The following RRM2 variants were observed in gnomAD, a reference collection of about 807,000 sequenced individuals.
RRM2 encodes the protein ribonucleoside-diphosphate reductase subunit M2.
In RRM2, 6 loss-of-function variants were observed where a neutral mutation model predicts 45.9. The ratio of observed to expected loss-of-function variants is 0.13; its 90% confidence interval spans 0.07 to 0.26. The LOEUF (loss-of-function observed/expected upper bound fraction) is 0.26, where lower values mean the gene tolerates loss of function less well. Among genes scored for constraint, RRM2 ranks in the 10% least tolerant of loss-of-function variants. The pLI, the probability that RRM2 is intolerant of heterozygous loss-of-function variation, is 1.00. For missense variants in RRM2, 343 were observed against 489.5 expected (o/e 0.70, Z 2.82); for synonymous variants, 177 against 173.0 (o/e 1.02, Z -0.18).
At chr2:10,164,138 G>A (rs1243648263) in intron 3 of RRM2, among the ~76,000 whole-genome samples, 1 of 152,086 alleles carries the variant, frequency 6.6e-6, no homozygotes, top group Non-Finnish European at 1.5e-5. Context: ...AATAGTGTAT[G>A]TATTTTTCAA....
chr2:10,150,010 G>C (rs1186914162), intron 3 of RRM2, among the ~76,000 whole-genome samples: 1 of 152,172 alleles, frequency 6.6e-6, no homozygotes, highest in Non-Finnish European at 1.5e-5. Context: ...TCTCTCATCT[G>C]TTTCCATTGG....
At position 10,126,988 on chromosome 2, in the gene RRM2, C is replaced by G; in HGVS notation, c.664+19C>G. The G allele has an allele frequency of 6.2e-7, 1 of 1,611,582 alleles. No homozygotes were observed. The highest frequency in any genetic ancestry group is 8.5e-7 in the Non-Finnish European group (1 of 1,178,028). On this transcript the variant is annotated intron_variant, in intron 6 of 9. Transcript: ENST00000304567. ...ACCTATGGTAAGGAGACCCTTGCCC[C>G]TACTTAAACCTGAGCTTCATTTTCC...
intron 5 of RRM2, among the ~76,000 whole-genome samples, chr2:10,125,434 G>A (rs555816833): frequency 2.2e-4 from 34 of 152,232 alleles, no homozygotes; most frequent in African/African-American, 4.3e-4. Flanking sequence ...GGTGGCGCGC[G>A]GTGGTTCTCG....
chr2:10,177,355 T>G (rs1300767719), intron 3 of RRM2, among the ~76,000 whole-genome samples: 1 of 152,228 alleles, frequency 6.6e-6, no homozygotes, highest in Non-Finnish European at 1.5e-5. Context: ...AAATCATTAC[T>G]ATTTTTAAGT....
chr2:10,122,898 G>T lies in RRM2; in HGVS notation c.99+1G>T. On this transcript the variant is annotated splice_donor_variant, in intron 1 of 9. Transcript: ENST00000304567. LOFTEE classifies it high-confidence loss of function. ...CAGCTTGGTCGACAAGGAGAACACG[G>T]TGAGCCCGCGGGGAGGGCGCTGCGG... 1 of 1,580,660 alleles carries T rather than the reference G, an allele frequency of 6.3e-7. No homozygotes were observed.
intron 5 of RRM2, among the ~76,000 whole-genome samples, chr2:10,125,892 C>T (rs1014703305): frequency 7.9e-5 from 12 of 151,924 alleles, no homozygotes; most frequent in Non-Finnish European, 1.3e-4. Context: ...ATTAGGGGTA[C>T]GATCGGGGGC....
At chr2:10,210,434 C>T in exon 4 of RRM2, 1 of 1,367,856 alleles carries the variant, frequency 7.3e-7, no homozygotes, top group Non-Finnish European at 9.8e-7. Context: ...ACAGGGACAC[C>T]CCTGGAGCGA....
chr2:10,124,627 G>A, intron 4 of RRM2, 90 bp from the exon 5 acceptor site: 2 of 1,394,512 alleles, frequency 1.4e-6, no homozygotes, highest in Non-Finnish European at 2.0e-6. Flanking sequence ...ACCTTATAAT[G>A]GTACAAAGAG....
chr2:10,123,558 G>C (rs1662716256), intron 3 of RRM2, 28 bp downstream of exon 3: 1 of 1,590,698 alleles, frequency 6.3e-7, no homozygotes, highest in Non-Finnish European at 8.6e-7. Context: ...GAAGACCCCT[G>C]CAGGGGTGAC....
intron 3 of RRM2, among the ~76,000 whole-genome samples, chr2:10,152,097 C>G (rs932095908): frequency 6.6e-6 from 1 of 151,936 alleles, no homozygotes; most frequent in African/African-American, 2.4e-5. Flanking sequence ...TACAGGCGCC[C>G]GCCACCACGC....
intron 3 of RRM2, among the ~76,000 whole-genome samples, chr2:10,176,456 CG>C: frequency 6.6e-6 from 1 of 151,998 alleles, no homozygotes. Context: ...TTAGTAGAGA[CG>C]GGGTTTCTCC....
intron 3 of RRM2, among the ~76,000 whole-genome samples, chr2:10,201,815 A>G (rs1328289936): frequency 6.6e-6 from 1 of 152,240 alleles, no homozygotes; most frequent in African/African-American, 2.4e-5. Flanking sequence ...CCAAAAACAT[A>G]TCTACACAAA....
Position 10,123,723 on chromosome 2 carries a change from T to C in RRM2, c.319-13T>C. The C allele has an allele frequency of 6.5e-7, 1 of 1,540,746 alleles. No individual in the cohort carries two copies. The highest frequency in any genetic ancestry group is 9.0e-7 in the Non-Finnish European group (1 of 1,115,274). The stretch of plus-strand genomic sequence containing the variant: ...CTTCCTTTTATGCTAAAATTGTGAC[T>C]TCCGAACCTCAGGTGGACCTCTCCA... On this transcript the variant is annotated splice_polypyrimidine_tract_variant and intron_variant, in intron 3 of 9. Coordinates refer to ENST00000304567, the MANE Select transcript of RRM2 (RefSeq NM_001034.4).
chr2:10,137,405 C>T (rs1057509862), upstream of RRM2, among the ~76,000 whole-genome samples: 3 of 152,268 alleles, frequency 2.0e-5, no homozygotes, highest in African/African-American at 4.8e-5. Context: ...TGCCTACACT[C>T]GTCCTGCCCT....
intron 3 of RRM2, among the ~76,000 whole-genome samples, chr2:10,154,441 A>C (rs1295235480): frequency 3.5e-5 from 5 of 144,848 alleles, no homozygotes; most frequent in Non-Finnish European, 7.5e-5. Flanking sequence ...CAGAGGTTGC[A>C]GTGAGTCAAG....
In RRM2 at chr2:10,126,865, T is replaced by C. The variant is rs1662789825; in HGVS notation, c.570-10T>C. On this transcript the variant is annotated splice_polypyrimidine_tract_variant and intron_variant, in intron 5 of 9. Coordinates refer to ENST00000304567, the MANE Select transcript of RRM2 (RefSeq NM_001034.4). ...ATGCTTCAATTGCTGATACCGTATGTGCCTACTAGGGAATTTCTCTTCAAT... is the reference window on the plus strand; with the variant it reads ...ATGCTTCAATTGCTGATACCGTATGCGCCTACTAGGGAATTTCTCTTCAAT... The C allele has an allele frequency of 1.2e-6, 2 of 1,608,392 alleles. No homozygotes were observed. Among genetic ancestry groups the C allele is most frequent in the African/African-American group, 1.3e-5 (1 of 74,754 alleles).
intron 5 of RRM2, among the ~76,000 whole-genome samples, chr2:10,125,317 GT>G (rs1335078053): frequency 6.6e-6 from 1 of 152,206 alleles, no homozygotes; most frequent in Non-Finnish European, 1.5e-5. Context: ...GCATGCAGGA[GT>G]TTGGCTGAAT....
rs1351381140 is a variant in RRM2, at chr2:10,123,003, C to A, written c.120C>A (p.Thr40=). The A allele has an allele frequency of 7.7e-6, 12 of 1,562,422 alleles. No individual in the cohort carries two copies. Among genetic ancestry groups the A allele is most frequent in the Non-Finnish European group, 8.6e-6 (10 of 1,160,598 alleles). ...KENTPPALSG[T]RVLASKTARR... is the part of the protein sequence containing the mutation. ...CGCAGCCGCCGGCCCTGAGCGGGACCCGCGTCCTGGCCAGCAAGACCGCGA... is the reference window on the plus strand; with the variant it reads ...CGCAGCCGCCGGCCCTGAGCGGGACACGCGTCCTGGCCAGCAAGACCGCGA... The change falls in exon 2 of 10, where the codon ACC becomes ACA. Residue 40 remains threonine (T), a synonymous_variant. Coordinates refer to ENST00000304567, the MANE Select transcript of RRM2 (RefSeq NM_001034.4).
At chr2:10,154,099 A>G (rs1002242517) in intron 3 of RRM2, among the ~76,000 whole-genome samples, 18 of 152,256 alleles carry the variant, frequency 1.2e-4, no homozygotes, top group Non-Finnish European at 2.4e-4. Context: ...CTCTGGGGTT[A>G]GTTAGCTGTA....
Sources: gnomAD v4.1 joint callset for allele counts (sites outside exome capture counted in the v4.1 genomes callset) on GRCh38, gnomAD v4.1.1 for gene constraint, MANE v1.5 for transcripts, NCBI Gene and HGNC (gene_info 2026-07-23, HGNC 2026-07-21) for gene names.